EYS: variants seen among roughly 807,000 people sequenced by gnomAD.
EYS encodes protein eyes shut homolog.
In EYS, 250 loss-of-function variants were observed where a neutral mutation model predicts 282.1. The observed-to-expected ratio is 0.89, with a 90% CI of 0.80 to 0.98. EYS has a LOEUF of 0.98. EYS is among the 50% of genes least tolerant of loss of function. EYS has a pLI of 0.00. For synonymous variants in EYS, 1,355 were observed against 1,282.9 expected (o/e 1.06, Z -1.20); for missense variants, 4,016 against 3,709.0 (o/e 1.08, Z -2.15).
chr6:63,775,937 C>A (rs554631776), intron 40 of EYS, among the ~76,000 whole-genome samples: 20 of 152,190 alleles, frequency 1.3e-4, no homozygotes, highest in African/African-American at 4.8e-4. Context: ...ACTTCTGGCT[C>A]TGTAGTATAT....
intron 28 of EYS, among the ~76,000 whole-genome samples, chr6:64,394,030 A>C (rs1238780427): frequency 6.6e-6 from 1 of 152,152 alleles, no homozygotes; most frequent in Non-Finnish European, 1.5e-5. Context: ...TCCCATTCAC[A>C]ATTGCTTCAA....
intron 35 of EYS, among the ~76,000 whole-genome samples, chr6:63,927,721 G>A (rs1764758613): frequency 6.6e-6 from 1 of 152,240 alleles, no homozygotes; most frequent in Admixed American, 6.5e-5. Context: ...TGGCTCAAGA[G>A]ATCGTTAAGC....
chr6:63,912,000 A>G (rs1292676616), intron 35 of EYS, among the ~76,000 whole-genome samples: 1 of 152,222 alleles, frequency 6.6e-6, no homozygotes, highest in Non-Finnish European at 1.5e-5. Context: ...TCATTAAGAT[A>G]CTCAGAAAGC....
At chr6:64,892,751 T>C (rs559676434) in intron 18 of EYS, among the ~76,000 whole-genome samples, 1 of 152,218 alleles carries the variant, frequency 6.6e-6, no homozygotes, top group African/African-American at 2.4e-5. Context: ...GTGAATCTGA[T>C]TTGAAACAGT....
chr6:64,604,828 T>G (rs1166923029), intron 24 of EYS, among the ~76,000 whole-genome samples: 5 of 151,968 alleles, frequency 3.3e-5, no homozygotes, highest in Non-Finnish European at 5.9e-5. Flanking sequence ...AAAGCATAGC[T>G]CAGGGGAGAA....
At chr6:64,595,006 G>A (rs75036030) in intron 24 of EYS, among the ~76,000 whole-genome samples, 1,725 of 151,826 alleles carry the variant, frequency 0.011, 50 homozygotes, top group East Asian at 0.11. Context: ...AAATCCACAG[G>A]CAACTATCAT....
At chr6:64,054,987 C>T (rs536782060) in intron 33 of EYS, among the ~76,000 whole-genome samples, 1 of 152,280 alleles carries the variant, frequency 6.6e-6, no homozygotes, top group East Asian at 1.9e-4. Context: ...ATTTATCCAC[C>T]TCACAATCAT....
At chr6:65,576,612 C>A (rs781562782) in intron 2 of EYS, among the ~76,000 whole-genome samples, 3 of 151,766 alleles carry the variant, frequency 2.0e-5, no homozygotes, top group Non-Finnish European at 2.9e-5. Flanking sequence ...TAAAATGCAT[C>A]CTCTTTAGAA....
intron 26 of EYS, among the ~76,000 whole-genome samples, chr6:64,561,201 A>T (rs1765384099): frequency 6.6e-6 from 1 of 152,168 alleles, no homozygotes; most frequent in South Asian, 2.1e-4. Flanking sequence ...CATCTATGAC[A>T]AACCCACAGC....
chr6:64,698,333 A>G (rs1770656980), intron 22 of EYS, among the ~76,000 whole-genome samples: 1 of 152,134 alleles, frequency 6.6e-6, no homozygotes. Context: ...CCAAGATCAA[A>G]ACAGAACTAA....
chr6:64,062,707 AAAAG>A (rs974404247), intron 33 of EYS, among the ~76,000 whole-genome samples: 4 of 151,816 alleles, frequency 2.6e-5, no homozygotes, highest in South Asian at 4.2e-4. Flanking sequence ...AAAAAAAAAA[AAAAG>A]AAGAAGAAAC....
chr6:64,955,151 G>C (rs1769653090), intron 14 of EYS, among the ~76,000 whole-genome samples: 1 of 151,940 alleles, frequency 6.6e-6, no homozygotes, highest in Admixed American at 6.6e-5. Context: ...CTGCACTCCA[G>C]TCCAGCCTAG....
chr6:64,688,048 T>G (rs1770223715), intron 22 of EYS, among the ~76,000 whole-genome samples: 3 of 152,192 alleles, frequency 2.0e-5, no homozygotes, highest in Admixed American at 2.0e-4. Flanking sequence ...GTAGTTTGTA[T>G]CTCTGTGGGA....
intron 18 of EYS, among the ~76,000 whole-genome samples, chr6:64,897,517 G>C (rs946976311): frequency 6.6e-6 from 1 of 152,172 alleles, no homozygotes; most frequent in African/African-American, 2.4e-5. Flanking sequence ...CAAAAAGGCT[G>C]AAAATTTTAA....
intron 22 of EYS, among the ~76,000 whole-genome samples, chr6:64,710,216 G>C (rs1275125941): frequency 1.3e-5 from 2 of 152,150 alleles, no homozygotes; most frequent in South Asian, 4.1e-4. Flanking sequence ...AGAATTAATA[G>C]GGTCACAATA....
At chr6:64,615,264 GA>G (rs1425011539) in intron 24 of EYS, among the ~76,000 whole-genome samples, 7 of 151,994 alleles carry the variant, frequency 4.6e-5, no homozygotes, top group Non-Finnish European at 1.0e-4. Flanking sequence ...AAGTACCCAT[GA>G]AGTTTCACAT....
At chr6:63,833,656 T>C (rs1358368502) in intron 36 of EYS, among the ~76,000 whole-genome samples, 2 of 152,184 alleles carry the variant, frequency 1.3e-5, no homozygotes, top group Non-Finnish European at 2.9e-5. Flanking sequence ...TTAGATTCAA[T>C]GCCTTCCCCA....
chr6:65,589,013 T>TTC (rs1271032299), intron 2 of EYS, among the ~76,000 whole-genome samples: 1 of 151,994 alleles, frequency 6.6e-6, no homozygotes, highest in Non-Finnish European at 1.5e-5. Context: ...CTTTAAAAGT[T>TTC]TCTACTTCCA....
intron 31 of EYS, among the ~76,000 whole-genome samples, chr6:64,193,857 T>A (rs1470031133): frequency 6.6e-6 from 1 of 152,176 alleles, no homozygotes; most frequent in South Asian, 2.1e-4. Flanking sequence ...TGCGTAGTAT[T>A]CCATGGTGTA....
Sources: allele counts gnomAD v4.1 joint callset (sites outside exome capture counted in the v4.1 genomes callset), GRCh38; gene constraint gnomAD v4.1.1; transcripts MANE v1.5; gene names NCBI Gene and HGNC (gene_info 2026-07-23, HGNC 2026-07-21).